USP5: variants seen among roughly 807,000 people sequenced by gnomAD.
USP5 encodes ubiquitin carboxyl-terminal hydrolase 5.
USP5 carries 24 observed loss-of-function variants against 102.5 expected under a neutral mutation model. That is an observed-to-expected ratio of 0.23 (90% confidence interval 0.17 to 0.33). The LOEUF is 0.33. Ranked by LOEUF, USP5 falls within the 10% of genes least tolerant of loss-of-function variation. USP5 has a pLI of 1.00. For missense variants in USP5, 753 were observed against 1,122.1 expected (o/e 0.67, Z 4.70); for synonymous variants, 460 against 434.8 (o/e 1.06, Z -0.72).
intron 1 of USP5, among the ~76,000 whole-genome samples, chr12:6,853,512 AGAG>A (rs1489537096): frequency 6.6e-6 from 1 of 152,254 alleles, no homozygotes; most frequent in Non-Finnish European, 1.5e-5. Context: ...AATTTCCAAC[AGAG>A]GAGTTTAATC....
chr12:6,856,382 A>G lies in USP5; in HGVS notation c.516A>G (p.Glu172=). 6.2e-7 allele frequency: 1 copy of G among 1,614,006 alleles called. No homozygotes were observed. The highest frequency in any genetic ancestry group is 8.5e-7 in the Non-Finnish European group (1 of 1,180,000). Residue 172 remains glutamate, a synonymous_variant, in exon 5 of 20, where the codon GAA becomes GAG. Coordinates refer to ENST00000229268, the MANE Select transcript of USP5 (RefSeq NM_001098536.2). This position sits in a 1 kb window ranked among gnomAD's most constrained non-coding sequence, Gnocchi z 5.6. ...RKQEVQAWDG[E]VRQVSKHAFS... The stretch of plus-strand genomic sequence containing the variant: ...AGGAGGTGCAGGCATGGGATGGGGA[A>G]GTACGGCAGGTGTCTAAGCATGCCT...
chr12:6,863,867 G>A lies in USP5; in HGVS notation c.1992G>A (p.Val664=). The part of the protein sequence containing the change: ...MLDESVIIQL[V]EMGFPMDACR... The stretch of plus-strand genomic sequence containing the variant: ...ATGAATCAGTCATCATCCAGCTGGT[G>A]GAGATGGGATTCCCTATGGACGCCT... Residue 664 remains valine (V), a synonymous_variant, in exon 16 of 20, where the codon GTG becomes GTA. Coordinates refer to ENST00000229268, the MANE Select transcript of USP5 (RefSeq NM_001098536.2). This position sits in a 1 kb window ranked among gnomAD's most constrained non-coding sequence, Gnocchi z 4.7. The A allele has an allele frequency of 1.2e-6, 2 of 1,610,982 alleles. No homozygotes were observed. The highest frequency in any genetic ancestry group is 1.7e-6 in the Non-Finnish European group (2 of 1,178,044).
Position 6,861,451 on chromosome 12 carries a change from C to G in USP5, c.1507C>G (p.Leu503Val), listed in dbSNP as rs782688494. 8.3e-6 allele frequency: 13 copies of G among 1,572,680 alleles called. No individual in the cohort carries two copies. The highest frequency in any genetic ancestry group is 1.1e-5 in the Non-Finnish European group (13 of 1,152,442). The change falls in exon 13 of 20, where the codon CTG becomes GTG. Residue 503 changes from leucine to valine, a missense_variant. This residue lies in a region of USP5 where 527 missense variants were observed against 816.5 expected (regional missense o/e 0.65). Transcript: ENST00000229268. This position sits in a 1 kb window ranked among gnomAD's most constrained non-coding sequence, Gnocchi z 4.9. ...ACCCATTCTGTCACCAGAGGAGCTT[C>G]TGGAGTACGAGGAGAAGAAGCGGCA... ...MDAALNKEEL[L>V]EYEEKKRQAE... is the part of the protein sequence containing the mutation.
Position 6,855,593 on chromosome 12 carries a change from A to C in USP5, c.237+67A>C. 6.3e-7 allele frequency: 1 copy of C among 1,593,194 alleles called. No homozygotes were observed. Among genetic ancestry groups the C allele is most frequent in the South Asian group, 1.1e-5 (1 of 88,380 alleles). ...TCCATTCTGACCTCCTATTGGACTC[A>C]GTTTCTTTTTTTCACCTACTTTTGT... On this transcript the variant is annotated intron_variant, in intron 2 of 19. Transcript: ENST00000229268. The surrounding 1 kb of genome is among the most constrained non-coding windows in gnomAD (Gnocchi z 4.6).
chr12:6,864,299 G>C lies in USP5; in HGVS notation c.2244+104G>C, dbSNP rs1944363905. The C allele has an allele frequency of 2.1e-6, 3 of 1,433,350 alleles. No individual in the cohort carries two copies. Among genetic ancestry groups the C allele is most frequent in the Non-Finnish European group, 2.8e-6 (3 of 1,089,216 alleles). The allele number at this position is 1,433,350 out of a possible 1,614,324, so 88.8% of individuals were successfully genotyped here. A position where few individuals can be genotyped will look rare whatever the true frequency, so the allele number is the denominator to read the frequency against. On this transcript the variant is annotated intron_variant, in intron 17 of 19. Transcript: ENST00000229268. This position sits in a 1 kb window ranked among gnomAD's most constrained non-coding sequence, Gnocchi z 4.8. ...AGACCAAAGACAACAGGTGTGGTCT[G>C]GCCGAGGTTGGGCACCACTCTTTTG... is the stretch of plus-strand genomic sequence containing the variant.
At position 6,863,703 on chromosome 12, in the gene USP5, A is replaced by G; in HGVS notation, c.1955-127A>G. 7.4e-7 allele frequency: 1 copy of G among 1,355,760 alleles called. No individual in the cohort carries two copies. Among genetic ancestry groups the G allele is most frequent in the South Asian group, 1.5e-5 (1 of 67,254 alleles). The allele number at this position is 1,355,760 out of a possible 1,614,324, so 84.0% of individuals were successfully genotyped here. A position where few individuals can be genotyped will look rare whatever the true frequency, so the allele number is the denominator to read the frequency against. On this transcript the variant is annotated intron_variant, in intron 15 of 19. Transcript: ENST00000229268. The surrounding 1 kb of genome is among the most constrained non-coding windows in gnomAD (Gnocchi z 4.7). ...GTGTGGTCATTTTGGTTTTGGGATAAGGTGCCAATCCATGGGAGAAAAATG... is the reference window on the plus strand; with the variant it reads ...GTGTGGTCATTTTGGTTTTGGGATAGGGTGCCAATCCATGGGAGAAAAATG...
intron 8 of USP5, among the ~76,000 whole-genome samples, chr12:6,859,048 T>C (rs964924131): frequency 6.6e-6 from 1 of 151,872 alleles, no homozygotes; most frequent in Non-Finnish European, 1.5e-5. Context: ...GGCAGTGACA[T>C]CAGATGAGCA....
Position 6,856,497 on chromosome 12 carries a change from C to G in USP5, c.584+47C>G. ...TCGGGCACCACCCCCAGAGCAAGGA[C>G]AAGGAGCCCACTTTTCTGGGGGATC... On this transcript the variant is annotated intron_variant, in intron 5 of 19. Coordinates refer to ENST00000229268, the MANE Select transcript of USP5 (RefSeq NM_001098536.2). This position sits in a 1 kb window ranked among gnomAD's most constrained non-coding sequence, Gnocchi z 5.6. The G allele has an allele frequency of 1.3e-6, 2 of 1,572,128 alleles. No homozygotes were observed. The highest frequency in any genetic ancestry group is 1.7e-6 in the Non-Finnish European group (2 of 1,159,308).
In USP5 at chr12:6,856,558, G is replaced by A; in HGVS notation, c.584+108G>A. ...GAGGGTAGGGAGCAGGACAGGAAGG[G>A]AAGCTTGGAAATGAACACGACATGG... On this transcript the variant is annotated intron_variant, in intron 5 of 19. Transcript: ENST00000229268. The surrounding 1 kb of genome is among the most constrained non-coding windows in gnomAD (Gnocchi z 5.6). 6.5e-7 allele frequency: 1 copy of A among 1,544,282 alleles called. No homozygotes were observed. Among genetic ancestry groups the A allele is most frequent in the Non-Finnish European group, 8.7e-7 (1 of 1,147,634 alleles).
rs1555128878 is a variant in USP5 at position 6,858,668 on chromosome 12, G to A, written c.1058+51G>A. The A allele has an allele frequency of 6.6e-7, 1 of 1,522,834 alleles. No homozygotes were observed. Among genetic ancestry groups the A allele is most frequent in the Non-Finnish European group, 9.0e-7 (1 of 1,112,036 alleles). The allele number at this position is 1,522,834 out of a possible 1,614,324, so 94.3% of individuals were successfully genotyped here. On this transcript the variant is annotated intron_variant, in intron 8 of 19. Transcript: ENST00000229268. This position sits in a 1 kb window ranked among gnomAD's most constrained non-coding sequence, Gnocchi z 4.2. The stretch of plus-strand genomic sequence containing the variant: ...GGCCCCCTCCTGGTCAGCACCCTCT[G>A]GGCATACTCCTCCTTCAGCTTCCCT...
Position 6,861,450 on chromosome 12 carries a change from T to C in USP5, c.1506T>C (p.Leu502=). The C allele has an allele frequency of 1.3e-6, 2 of 1,571,698 alleles. No individual in the cohort carries two copies. Among genetic ancestry groups the C allele is most frequent in the Non-Finnish European group, 8.7e-7 (1 of 1,151,782 alleles). Residue 502 remains leucine, a synonymous_variant, in exon 13 of 20, where the codon CTT becomes CTC. Coordinates refer to ENST00000229268, the MANE Select transcript of USP5 (RefSeq NM_001098536.2). This position sits in a 1 kb window ranked among gnomAD's most constrained non-coding sequence, Gnocchi z 4.9. ...AACCCATTCTGTCACCAGAGGAGCT[T>C]CTGGAGTACGAGGAGAAGAAGCGGC... ...PMDAALNKEE[L]LEYEEKKRQA...
intron 9 of USP5, among the ~76,000 whole-genome samples, chr12:6,859,846 G>A (rs782386365): frequency 2.6e-5 from 4 of 152,080 alleles, no homozygotes; most frequent in African/African-American, 2.4e-5. Context: ...TAGTAGAGAC[G>A]GGGTTTCATC....
Position 6,861,556 on chromosome 12 carries a change from G to C in USP5, c.1612G>C (p.Ala538Pro), listed in dbSNP as rs2138060931. 1 of 1,599,234 alleles carries C rather than the reference G, an allele frequency of 6.3e-7. No individual in the cohort carries two copies. Among genetic ancestry groups the C allele is most frequent in the South Asian group, 1.1e-5 (1 of 90,654 alleles). ...CAGCTCTTGCCTGGAGGCCTACGGG[G>C]CCCCTGAGCAGGTCGATGACTTCTG... ...PFSSCLEAYG[A>P]PEQVDDFWST... The change falls in exon 13 of 20, where the codon GCC (alanine) becomes CCC (proline). Residue 538 changes from alanine (A) to proline (P), a missense_variant. Around this residue, in one of 3 missense-constraint regions of USP5, gnomAD observed 527 missense variants for 816.5 expected, o/e 0.65. Transcript: ENST00000229268. The surrounding 1 kb of genome is among the most constrained non-coding windows in gnomAD (Gnocchi z 4.9).
In USP5 at chr12:6,854,200, T is replaced by C. The variant is rs1370280617; in HGVS notation, c.112-1201T>C. Among the ~76,000 whole-genome samples the C allele has an allele frequency of 2.0e-5, 3 of 152,200 alleles. No homozygotes were observed. In the East Asian group the frequency reaches 5.8e-4, roughly 29 times the overall value. On this transcript the variant is annotated intron_variant, in intron 1 of 19. Transcript: ENST00000229268. ...AGCTATCTCAGCAAGTGTTGCGAGA[T>C]TGTTGTCAGAACGGGATGGCTTTGA...
In USP5 at chr12:6,860,285, G is replaced by A. The variant is rs782288684; in HGVS notation, c.1218+47G>A. On this transcript the variant is annotated intron_variant, in intron 10 of 19. Transcript: ENST00000229268. The surrounding 1 kb of genome is among the most constrained non-coding windows in gnomAD (Gnocchi z 5.5). ...TTTCAGGCCCTGGGATTGTGGGGAA[G>A]CTGAGGTCTGGGAGATGTCTAAAGA... The A allele has an allele frequency of 2.5e-6, 4 of 1,611,342 alleles. No homozygotes were observed. The highest frequency in any genetic ancestry group is 3.4e-6 in the Non-Finnish European group (4 of 1,177,966).
chr12:6,863,496 C>A lies in USP5; in HGVS notation c.1954+119C>A. On this transcript the variant is annotated intron_variant, in intron 15 of 19. Coordinates refer to ENST00000229268, the MANE Select transcript of USP5 (RefSeq NM_001098536.2). The surrounding 1 kb of genome is among the most constrained non-coding windows in gnomAD (Gnocchi z 4.7). ...TCCTCCCTTTCAAATTTCCTCTGCC[C>A]TCTTTGATTGACATGGGGCCTCCCC... The A allele has an allele frequency of 2.3e-6, 3 of 1,295,000 alleles. No individual in the cohort carries two copies. In the South Asian group the frequency reaches 4.3e-5, roughly 18 times the overall value. The allele number at this position is 1,295,000 out of a possible 1,614,324, so 80.2% of individuals were successfully genotyped here. A position where few individuals can be genotyped will look rare whatever the true frequency, so the allele number is the denominator to read the frequency against.
At position 6,856,846 on chromosome 12, in the gene USP5, T is replaced by C. The variant is rs1944129425; in HGVS notation, c.724T>C (p.Tyr242His). The C allele has an allele frequency of 3.1e-6, 5 of 1,614,132 alleles. No homozygotes were observed. Among genetic ancestry groups the C allele is most frequent in the Non-Finnish European group, 4.2e-6 (5 of 1,180,002 alleles). Residue 242 changes from tyrosine to histidine, a missense_variant, in exon 6 of 20, where the codon TAC becomes CAC. Transcript: ENST00000229268. This position sits in a 1 kb window ranked among gnomAD's most constrained non-coding sequence, Gnocchi z 5.6. ...HAVEHYRETG[Y>H]PLAVKLGTIT... Reference sequence around the variant, plus strand: ...TGTGGAGCACTACCGAGAGACAGGCTACCCGTTAGCTGTCAAGCTGGGCAC... The same window carrying C: ...TGTGGAGCACTACCGAGAGACAGGCCACCCGTTAGCTGTCAAGCTGGGCAC...
chr12:6,852,966 T>C (rs1555127373), intron 1 of USP5, among the ~76,000 whole-genome samples: 2 of 144,174 alleles, frequency 1.4e-5, no homozygotes, highest in Non-Finnish European at 1.5e-5. Context: ...TTTTAAAGTA[T>C]TCCTAGAGAG....
Position 6,860,945 on chromosome 12 carries a change from T to A in USP5, c.1345-8T>A. 2 of 1,613,974 alleles carry A rather than the reference T, an allele frequency of 1.2e-6. No individual in the cohort carries two copies. Among genetic ancestry groups the A allele is most frequent in the Non-Finnish European group, 1.7e-6 (2 of 1,179,954 alleles). On this transcript the variant is annotated splice_polypyrimidine_tract_variant and splice_region_variant and intron_variant, in intron 11 of 19. Transcript: ENST00000229268. The surrounding 1 kb of genome is among the most constrained non-coding windows in gnomAD (Gnocchi z 5.5). Reference sequence around the variant, plus strand: ...CCCAGACCTCCCTACCCTGCCTCTTTCCCATAGAGGAATTGCCGGAGCTCT... The same window carrying A: ...CCCAGACCTCCCTACCCTGCCTCTTACCCATAGAGGAATTGCCGGAGCTCT...
Sources: allele counts gnomAD v4.1 joint callset (sites outside exome capture counted in the v4.1 genomes callset), GRCh38; gene constraint gnomAD v4.1.1; regional missense constraint gnomAD v4.1.1; non-coding constraint Gnocchi (gnomAD v3.1); transcripts MANE v1.5; gene names NCBI Gene and HGNC (gene_info 2026-07-23, HGNC 2026-07-21).